Variants in POLA1 observed in about 807,000 individuals in gnomAD.
The protein encoded by POLA1 is DNA polymerase alpha 1, catalytic subunit, also known as DNA polymerase alpha catalytic subunit.
Under a neutral mutation model 124.0 loss-of-function variants are expected in POLA1, and 15 were observed. The observed-to-expected ratio is 0.12, with a 90% CI of 0.08 to 0.19. The LOEUF (loss-of-function observed/expected upper bound fraction) is 0.19. Ranked by LOEUF, POLA1 falls within the 10% of genes least tolerant of loss-of-function variation. The pLI, the probability that POLA1 is intolerant of heterozygous loss-of-function variation, is 1.00. For missense variants in POLA1, 886 were observed against 1,103.4 expected (o/e 0.80, Z 2.79); for synonymous variants, 408 against 389.4 (o/e 1.05, Z -0.56).
chrX:24,762,134 G>T (rs1932807186), intron 26 of POLA1, among the ~76,000 whole-genome samples: 1 of 111,585 alleles, frequency 9.0e-6, no homozygotes. Context: ...TGCTCAGTGG[G>T]CTTCAGTTAC....
chrX:24,840,728 A>G (rs1486347904), intron 32 of POLA1, among the ~76,000 whole-genome samples: 1 of 112,272 alleles, frequency 8.9e-6, no homozygotes, highest in East Asian at 2.7e-4. Flanking sequence ...TAGATTTCCA[A>G]AAGCTTTTCC....
At chrX:24,762,921 A>T (rs1261290343) in intron 26 of POLA1, among the ~76,000 whole-genome samples, 1 of 110,582 alleles carries the variant, frequency 9.0e-6, no homozygotes, top group African/African-American at 3.3e-5. Context: ...TATTTTTAGT[A>T]GAGTTGGGGT....
At chrX:24,922,653 C>T (rs1210299817) in intron 35 of POLA1, among the ~76,000 whole-genome samples, 2 of 111,297 alleles carry the variant, frequency 1.8e-5, no homozygotes, top group East Asian at 2.8e-4. Flanking sequence ...ACTAATCTAG[C>T]CCTATCCATT....
chrX:24,742,100 C>A lies in POLA1; in HGVS notation c.2445C>A (p.Phe815Leu). 8.3e-7 allele frequency: 1 copy of A among 1,198,536 alleles called. No homozygotes were observed. The highest frequency in any genetic ancestry group is 1.8e-5 in the South Asian group (1 of 56,108). Residue 815 changes from phenylalanine (F) to leucine (L), a missense_variant, in exon 22 of 37, where the codon TTC becomes TTA. Coordinates refer to ENST00000379068, the MANE Select transcript of POLA1 (RefSeq NM_001330360.2). ...NNYIVPDKQI[F>L]RKPQQKLGDE... ...ATATTGTGCCTGACAAGCAGATTTTCAGAAAGCCTCAGCAAAAACTGGTGG... is the reference window on the plus strand; with the variant it reads ...ATATTGTGCCTGACAAGCAGATTTTAAGAAAGCCTCAGCAAAAACTGGTGG...
chrX:24,779,064 A>ATTTC (rs754548390), intron 26 of POLA1, among the ~76,000 whole-genome samples: 23 of 110,231 alleles, frequency 2.1e-4, no homozygotes, highest in African/African-American at 6.9e-4. Context: ...CTGATTAGAC[A>ATTTC]TTTCTTTCTT....
intron 35 of POLA1, among the ~76,000 whole-genome samples, chrX:24,900,973 TATAA>T (rs1383664877): frequency 1.2e-4 from 13 of 111,977 alleles, no homozygotes; most frequent in African/African-American, 4.2e-4. Context: ...AGGTCATAGT[TATAA>T]ATAATGTTAC....
chrX:24,978,203 G>A (rs1428211259), intron 36 of POLA1, among the ~76,000 whole-genome samples: 5 of 111,570 alleles, frequency 4.5e-5, no homozygotes, highest in African/African-American at 1.6e-4. Flanking sequence ...GCTTTTTTGT[G>A]TGCATTTTGA....
chrX:24,694,783 CT>C (rs1277254989), intron 1 of POLA1, among the ~76,000 whole-genome samples: 3 of 112,495 alleles, frequency 2.7e-5, no homozygotes, highest in Non-Finnish European at 5.6e-5. Flanking sequence ...AGATGCTTCA[CT>C]TTGTTAGCTC....
chrX:24,930,690 G>C (rs2047763205), intron 36 of POLA1, 141 bp downstream of exon 36: 2 of 467,533 alleles, frequency 4.3e-6, no homozygotes, highest in East Asian at 7.5e-5. Context: ...TGAACACAGG[G>C]ATCCCCTGCA....
chrX:24,871,225 A>C (rs1193639486), intron 34 of POLA1, among the ~76,000 whole-genome samples: 1 of 112,518 alleles, frequency 8.9e-6, no homozygotes, highest in Non-Finnish European at 1.9e-5. Context: ...GTATAAATAC[A>C]TGCCCATTTA....
At chrX:24,907,058 G>A (rs1044221636) in intron 35 of POLA1, among the ~76,000 whole-genome samples, 8 of 111,212 alleles carry the variant, frequency 7.2e-5, no homozygotes, top group African/African-American at 9.8e-5. Context: ...TGGGCGTGGC[G>A]GTACTTGCCT....
At chrX:24,894,788 C>CTT (rs761056089) in intron 35 of POLA1, among the ~76,000 whole-genome samples, 31 of 98,591 alleles carry the variant, frequency 3.1e-4, no homozygotes, top group African/African-American at 7.1e-4. Flanking sequence ...CTTTTCTTTT[C>CTT]TTTTTTTTTT....
intron 26 of POLA1, among the ~76,000 whole-genome samples, chrX:24,765,823 G>C (rs759887923): frequency 1.8e-5 from 2 of 112,183 alleles, no homozygotes; most frequent in East Asian, 5.6e-4. Flanking sequence ...GGTTGGTAAT[G>C]TGTGCCCTTC....
chrX:24,818,521 A>G (rs1444792919), intron 30 of POLA1, among the ~76,000 whole-genome samples: 4 of 111,269 alleles, frequency 3.6e-5, no homozygotes, highest in Non-Finnish European at 7.5e-5. Context: ...ATGTGCAGCC[A>G]TGTTTGAGGA....
intron 26 of POLA1, among the ~76,000 whole-genome samples, chrX:24,780,957 A>T (rs1489587109): frequency 8.9e-6 from 1 of 112,225 alleles, no homozygotes; most frequent in Non-Finnish European, 1.9e-5. Context: ...TTGTTTAAAA[A>T]TTTTTAACTA....
At chrX:24,794,102 G>A (rs926262571) in intron 26 of POLA1, among the ~76,000 whole-genome samples, 9 of 110,376 alleles carry the variant, frequency 8.2e-5, no homozygotes, top group Admixed American at 6.7e-4. Flanking sequence ...CCAGCCTCCC[G>A]AGTAGCTGGG....
chrX:24,808,788 G>A (rs760920941), intron 26 of POLA1, among the ~76,000 whole-genome samples: 4 of 112,112 alleles, frequency 3.6e-5, no homozygotes, highest in South Asian at 3.7e-4. Flanking sequence ...TAGGGAAGAC[G>A]AGAAAGAAAT....
chrX:24,996,764 A>AT lies in POLA1; in HGVS notation c.*821dup, dbSNP rs996875590. ...TGCTTAATTGGCCCTGGCGCTTGCT[A>AT]TTTTTTTCTCATTTCTTCACAATAG... is the stretch of plus-strand genomic sequence containing the variant. On this transcript the variant is annotated 3_prime_UTR_variant, in exon 37 of 37. Transcript: ENST00000379068. 3 of 111,593 alleles carry AT rather than the reference A, an allele frequency of 2.7e-5. No individual in the cohort carries two copies. The highest frequency in any genetic ancestry group is 9.8e-5 in the African/African-American group (3 of 30,629). The allele number at this position is 111,593 out of a possible 1,213,427, so 9.2% of individuals were successfully genotyped here.
intron 32 of POLA1, among the ~76,000 whole-genome samples, chrX:24,836,890 A>G (rs1311469652): frequency 8.9e-6 from 1 of 111,870 alleles, no homozygotes; most frequent in Non-Finnish European, 1.9e-5. Context: ...AAGTTCATTT[A>G]TGTTTTATAT....
Sources: gnomAD v4.1 joint callset for allele counts (sites outside exome capture counted in the v4.1 genomes callset) on GRCh38, gnomAD v4.1.1 for gene constraint, MANE v1.5 for transcripts, NCBI Gene and HGNC (gene_info 2026-07-23, HGNC 2026-07-21) for gene names.